Variants in HS6ST2 observed in about 807,000 individuals in gnomAD.
The protein encoded by HS6ST2 is heparan sulfate 6-O-sulfotransferase 2, also known as heparan-sulfate 6-O-sulfotransferase 2.
Under a neutral mutation model 33.0 loss-of-function variants are expected in HS6ST2, and 17 were observed. The observed-to-expected ratio is 0.52, with a 90% CI of 0.35 to 0.77. The LOEUF is 0.77. Ranked by LOEUF, HS6ST2 falls within the 30% of genes least tolerant of loss-of-function variation. HS6ST2 has a pLI of 0.01. For missense variants in HS6ST2, 519 were observed against 551.7 expected (o/e 0.94, Z 0.59); for synonymous variants, 248 against 237.1 (o/e 1.05, Z -0.42).
At chrX:132,651,463 G>A (rs1174314623) in intron 4 of HS6ST2, among the ~76,000 whole-genome samples, 1 of 111,957 alleles carries the variant, frequency 8.9e-6, no homozygotes, top group Non-Finnish European at 1.9e-5. Flanking sequence ...TGGTACACAT[G>A]GATTCAACTT....
chrX:132,809,611 T>C (rs1407516686), intron 2 of HS6ST2, among the ~76,000 whole-genome samples: 1 of 111,450 alleles, frequency 9.0e-6, no homozygotes, highest in African/African-American at 3.3e-5. Context: ...CTGAAGTTTC[T>C]TCTTATTGTT....
At chrX:132,843,122 A>G (rs767621365) in intron 2 of HS6ST2, among the ~76,000 whole-genome samples, 150 of 111,897 alleles carry the variant, frequency 1.3e-3, no homozygotes, top group African/African-American at 4.0e-3. Flanking sequence ...GCAAGTGACC[A>G]CTTTCTGCTG....
chrX:132,745,264 T>C (rs1028529014), intron 2 of HS6ST2, among the ~76,000 whole-genome samples: 1 of 111,719 alleles, frequency 9.0e-6, no homozygotes. Flanking sequence ...TTTCGTATTT[T>C]TGGTGGAAAC....
At chrX:132,833,064 T>C (rs1188465830) in intron 2 of HS6ST2, among the ~76,000 whole-genome samples, 1 of 112,084 alleles carries the variant, frequency 8.9e-6, no homozygotes, top group African/African-American at 3.2e-5. Flanking sequence ...AATTATACTA[T>C]ATATTTTTAT....
intron 2 of HS6ST2, among the ~76,000 whole-genome samples, chrX:132,768,603 G>A (rs907837733): frequency 1.8e-5 from 2 of 112,101 alleles, no homozygotes; most frequent in African/African-American, 3.2e-5. Context: ...TCCAGCAACT[G>A]AGCTATGCAA....
intron 3 of HS6ST2, among the ~76,000 whole-genome samples, chrX:132,691,732 A>G (rs1227934055): frequency 8.9e-6 from 1 of 112,186 alleles, no homozygotes; most frequent in Non-Finnish European, 1.9e-5. Flanking sequence ...GGCTTTCTCT[A>G]TTCTTTATCT....
chrX:132,700,448 C>T (rs1240521991), intron 3 of HS6ST2, among the ~76,000 whole-genome samples: 2 of 110,030 alleles, frequency 1.8e-5, no homozygotes, highest in African/African-American at 3.3e-5. Context: ...AAGAGGAAAT[C>T]TTTCAGTTCC....
chrX:132,825,113 C>T (rs753693816), intron 2 of HS6ST2, among the ~76,000 whole-genome samples: 18 of 111,977 alleles, frequency 1.6e-4, no homozygotes, highest in Admixed American at 2.8e-4. Context: ...CAAGCTCTGA[C>T]ACTTCTAAAA....
intron 2 of HS6ST2, among the ~76,000 whole-genome samples, chrX:132,896,900 C>G (rs1253888760): frequency 9.0e-6 from 1 of 111,567 alleles, no homozygotes; most frequent in African/African-American, 3.3e-5. Context: ...ATTCAAAGTA[C>G]CAGAGAATCT....
intron 2 of HS6ST2, among the ~76,000 whole-genome samples, chrX:132,739,911 CTT>C (rs1009110495): frequency 9.0e-6 from 1 of 111,322 alleles, no homozygotes; most frequent in African/African-American, 3.3e-5. Context: ...TTAAGAAACA[CTT>C]TTTAGACATT....
rs148338881 is a variant in HS6ST2, at chrX:132,703,158, A to T, written c.980+5304T>A. On this transcript the variant is annotated intron_variant, in intron 3 of 4. Transcript: ENST00000370833. The stretch of plus-strand genomic sequence containing the variant: ...TCTGAAGGAGAAGCTAGCATAGTGG[A>T]ACAGAGGGTGGCTGCCATCTACATA... Among the ~76,000 whole-genome samples, 35 of 112,295 alleles carry T rather than the reference A, an allele frequency of 3.1e-4. 1 individual carries two copies. The highest frequency in any genetic ancestry group is 8.7e-4 in the African/African-American group (27 of 30,967).
intron 2 of HS6ST2, among the ~76,000 whole-genome samples, chrX:132,817,953 T>C (rs770735529): frequency 5.8e-4 from 65 of 112,053 alleles, no homozygotes; most frequent in African/African-American, 2.0e-3. Flanking sequence ...TTTAGGATTA[T>C]GTGGAAGTTA....
At chrX:132,710,204 A>G (rs1465607911) in intron 2 of HS6ST2, among the ~76,000 whole-genome samples, 3 of 111,019 alleles carry the variant, frequency 2.7e-5, no homozygotes, top group African/African-American at 9.9e-5. Flanking sequence ...TTACAGGTGC[A>G]TCAATCAAAA....
chrX:132,721,847 A>G (rs1157351513), intron 2 of HS6ST2, among the ~76,000 whole-genome samples: 1 of 111,460 alleles, frequency 9.0e-6, no homozygotes, highest in Non-Finnish European at 1.9e-5. Context: ...CCTTCTTGCA[A>G]AAAAGAGGAA....
At chrX:132,725,397 C>A (rs2064382028) in intron 2 of HS6ST2, among the ~76,000 whole-genome samples, 1 of 111,498 alleles carries the variant, frequency 9.0e-6, no homozygotes, top group South Asian at 3.8e-4. Context: ...ATGCAAATGG[C>A]AAACAGGTAT....
At chrX:132,732,544 A>T (rs1486406466) in intron 2 of HS6ST2, among the ~76,000 whole-genome samples, 4 of 111,233 alleles carry the variant, frequency 3.6e-5, no homozygotes, top group Non-Finnish European at 7.5e-5. Flanking sequence ...GGCCAGGTGG[A>T]GATAATTGAA....
In HS6ST2 at chrX:132,637,842, T is replaced by TTA. The variant is rs1261707885; in HGVS notation, c.1068-8751_1068-8750dup. 3.9e-4 allele frequency among the ~76,000 whole-genome samples: 16 copies of TTA among 40,780 alleles called. No individual in the cohort carries two copies. In the South Asian group the frequency reaches 6.7e-3, roughly 17 times the overall value. 35.4% of individuals were successfully genotyped at this position (40,780 alleles called of 115,157 possible). ...TATATATAATATTATATATAATATT[T>TTA]TATATATAATATATATATAATATAT... On this transcript the variant is annotated intron_variant, in intron 4 of 4. Transcript: ENST00000370833.
At chrX:132,899,782 A>C (rs1326287145) in intron 2 of HS6ST2, among the ~76,000 whole-genome samples, 1 of 111,839 alleles carries the variant, frequency 8.9e-6, no homozygotes, top group East Asian at 2.8e-4. Flanking sequence ...AAAGGAAAAA[A>C]CCACACCATA....
intron 4 of HS6ST2, among the ~76,000 whole-genome samples, chrX:132,659,890 T>C (rs2063758616): frequency 8.9e-6 from 1 of 112,082 alleles, no homozygotes; most frequent in Non-Finnish European, 1.9e-5. Context: ...CTCAATAAAT[T>C]ATAATTCATA....
Sources: gnomAD v4.1 joint callset for allele counts (sites outside exome capture counted in the v4.1 genomes callset) on GRCh38, gnomAD v4.1.1 for gene constraint, MANE v1.5 for transcripts, NCBI Gene and HGNC (gene_info 2026-07-23, HGNC 2026-07-21) for gene names.